Variants in AKAP13 observed in about 807,000 individuals in gnomAD.
The protein encoded by AKAP13 is A-kinase anchor protein 13.
AKAP13 carries 80 observed loss-of-function variants against 264.5 expected under a neutral mutation model. That is an observed-to-expected ratio of 0.30 (90% CI 0.25 to 0.36). The LOEUF (loss-of-function observed/expected upper bound fraction) is 0.36, where lower values mean the gene tolerates loss of function less well. Among genes scored for constraint, AKAP13 ranks in the 10% least tolerant of loss-of-function variants. The pLI is 1.00. For synonymous variants in AKAP13, 1,380 were observed against 1,250.2 expected, an observed-to-expected ratio of 1.10 and a Z score of -2.19; for missense variants, 3,712 against 3,435.2, an observed-to-expected ratio of 1.08 and a Z score of -2.01.
At chr15:85,499,903 T>C (rs1284449213) in intron 2 of AKAP13, among the ~76,000 whole-genome samples, 3 of 152,210 alleles carry the variant, frequency 2.0e-5, no homozygotes, top group Admixed American at 2.0e-4. Flanking sequence ...ATTTGAATTA[T>C]TATTTTATTG....
chr15:85,656,695 G>C lies in AKAP13; in HGVS notation c.4745+908G>C, dbSNP rs187521718. Among the ~76,000 whole-genome samples the C allele has an allele frequency of 7.5e-4, 114 of 152,214 alleles. 1 individual carries two copies. The East Asian group carries it at 0.019, about 25-fold the overall frequency. ...GATCTCCTGACCTTGTGATCCACCC[G>C]CCTCGGCCTCCCAAAGTGCTGGGAT... On this transcript the variant is annotated intron_variant, in intron 11 of 36. Transcript: ENST00000394518.
chr15:85,713,212 CT>C (rs1392842920), intron 19 of AKAP13, among the ~76,000 whole-genome samples: 4 of 152,310 alleles, frequency 2.6e-5, no homozygotes, highest in South Asian at 2.1e-4. Context: ...TTCTTCCCCC[CT>C]ATGCTGGCTT....
chr15:85,738,503 T>C (rs577509586), intron 33 of AKAP13, among the ~76,000 whole-genome samples: 1 of 152,232 alleles, frequency 6.6e-6, no homozygotes, highest in East Asian at 1.9e-4. Flanking sequence ...TACATGTTCA[T>C]GGTAGATAAG....
intron 17 of AKAP13, among the ~76,000 whole-genome samples, chr15:85,704,695 T>TA (rs1263411942): frequency 6.6e-6 from 1 of 152,252 alleles, no homozygotes; most frequent in African/African-American, 2.4e-5. Flanking sequence ...TTAGGAAATC[T>TA]ATCAAATAAA....
At chr15:85,433,462 G>A (rs1292602720) in intron 1 of AKAP13, among the ~76,000 whole-genome samples, 3 of 151,710 alleles carry the variant, frequency 2.0e-5, no homozygotes, top group Admixed American at 2.0e-4. Context: ...CTTTTTCTTC[G>A]ATTTCTAGGT....
intron 31 of AKAP13, 111 bp from the exon 32 acceptor site, chr15:85,735,449 C>A: frequency 9.0e-7 from 1 of 1,113,908 alleles, no homozygotes; most frequent in Non-Finnish European, 1.3e-6. Context: ...TTTTTGGGGG[C>A]ATCAGTAGGT....
At chr15:85,646,031 A>G (rs572152312) in intron 10 of AKAP13, 77 bp downstream of exon 10, 4 of 1,546,886 alleles carry the variant, frequency 2.6e-6, no homozygotes, top group Admixed American at 1.9e-5. Flanking sequence ...CTCTTTTCCA[A>G]CTTTTTCCCC....
intron 1 of AKAP13, among the ~76,000 whole-genome samples, chr15:85,439,928 A>G (rs1279401613): frequency 6.6e-6 from 1 of 151,564 alleles, no homozygotes; most frequent in Non-Finnish European, 1.5e-5. Context: ...TATGTAACTA[A>G]CCTGCACAAT....
intron 1 of AKAP13, among the ~76,000 whole-genome samples, chr15:85,441,880 T>C (rs554564928): frequency 6.6e-6 from 1 of 152,304 alleles, no homozygotes; most frequent in African/African-American, 2.4e-5. Context: ...GGAGTTTGTC[T>C]TGGGTCTTGG....
At chr15:85,398,640 C>T (rs980176350) in intron 1 of AKAP13, among the ~76,000 whole-genome samples, 1 of 152,224 alleles carries the variant, frequency 6.6e-6, no homozygotes, top group Non-Finnish European at 1.5e-5. Context: ...AGTGCAACCT[C>T]TGCCTCCCAG....
chr15:85,404,632 C>T (rs1237223187), intron 1 of AKAP13, among the ~76,000 whole-genome samples: 1 of 152,212 alleles, frequency 6.6e-6, no homozygotes, highest in Non-Finnish European at 1.5e-5. Context: ...TATAAGCTGT[C>T]TTTCTGACCT....
At chr15:85,457,483 A>G (rs963487375) in intron 1 of AKAP13, among the ~76,000 whole-genome samples, 5 of 152,174 alleles carry the variant, frequency 3.3e-5, no homozygotes, top group African/African-American at 1.2e-4. Flanking sequence ...TCAGCAGTGT[A>G]CAGAATTGGA....
At chr15:85,570,536 G>T (rs544298135) in intron 5 of AKAP13, among the ~76,000 whole-genome samples, 5 of 152,296 alleles carry the variant, frequency 3.3e-5, no homozygotes, top group Admixed American at 1.3e-4. Flanking sequence ...GAGATGGTGA[G>T]ACTCCCTGAA....
At chr15:85,609,052 A>G (rs1273394311) in intron 8 of AKAP13, among the ~76,000 whole-genome samples, 1 of 152,204 alleles carries the variant, frequency 6.6e-6, no homozygotes, top group African/African-American at 2.4e-5. Context: ...GTACATGTAT[A>G]CAATGTGTAA....
In AKAP13 at chr15:85,641,424, C is replaced by T. The variant is rs181590506; in HGVS notation, c.4237+1975C>T. Among the ~76,000 whole-genome samples the T allele has an allele frequency of 3.1e-3, 455 of 146,900 alleles. 11 individuals are homozygous for T. The highest frequency in any genetic ancestry group is 7.2e-4 in the Non-Finnish European group (48 of 66,946). On this transcript the variant is annotated intron_variant, in intron 9 of 36. Transcript: ENST00000394518. ...TCATGCCACTGCACTCCAGCCTGGGCGACGGAGCAAGACTCCATCTCAAAT... is the reference window on the plus strand; with the variant it reads ...TCATGCCACTGCACTCCAGCCTGGGTGACGGAGCAAGACTCCATCTCAAAT...
At chr15:85,464,435 T>A (rs1408329914) in intron 1 of AKAP13, among the ~76,000 whole-genome samples, 2 of 152,286 alleles carry the variant, frequency 1.3e-5, no homozygotes, top group Non-Finnish European at 2.9e-5. Context: ...TAATATCTAT[T>A]CCTGAGTTTT....
chr15:85,712,943 C>T (rs1328089327), intron 19 of AKAP13, among the ~76,000 whole-genome samples: 2 of 152,226 alleles, frequency 1.3e-5, no homozygotes, highest in Non-Finnish European at 1.5e-5. Flanking sequence ...AAGTCTGACA[C>T]CACTGCTTAA....
chr15:85,476,997 A>G (rs2075184364), intron 1 of AKAP13, among the ~76,000 whole-genome samples: 1 of 152,052 alleles, frequency 6.6e-6, no homozygotes, highest in African/African-American at 2.4e-5. Flanking sequence ...AGCTCTAGGA[A>G]AACTAAGGTG....
At position 85,663,309 on chromosome 15, in the gene AKAP13, CA is replaced by C. The variant is rs11435393; in HGVS notation, c.4800-1239del. On this transcript the variant is annotated intron_variant, in intron 12 of 36. Transcript: ENST00000394518. ...TGGGCAACAGAGGGAGGCTCTGTCT[CA>C]AAAAAAAAAAAAAATAGGAAAAGAA... Among the ~76,000 whole-genome samples, 959 of 134,722 alleles carry C rather than the reference CA, an allele frequency of 7.1e-3. 10 individuals carry two copies. The highest frequency in any genetic ancestry group is 0.022 in the African/African-American group (790 of 36,198). 88.4% of individuals were successfully genotyped at this position (134,722 alleles called of 152,430 possible).
Sources: gnomAD v4.1 joint callset for allele counts (sites outside exome capture counted in the v4.1 genomes callset) on GRCh38, gnomAD v4.1.1 for gene constraint, MANE v1.5 for transcripts, NCBI Gene and HGNC (gene_info 2026-07-23, HGNC 2026-07-21) for gene names.